Variants in DCK observed in about 807,000 individuals in gnomAD.
DCK encodes the protein deoxycytidine kinase, also known as deoxyadenosine kinase.
DCK carries 23 observed loss-of-function variants against 38.3 expected under a neutral mutation model. The ratio of observed to expected loss-of-function variants is 0.60; its 90% CI spans 0.43 to 0.85. DCK has a LOEUF of 0.85. Ranked by LOEUF, DCK falls within the 40% of genes least tolerant of loss-of-function variation. The probability of loss-of-function intolerance (pLI) is 0.00; values close to 1 mark genes in which losing one functional copy is unlikely to be tolerated. For missense variants in DCK, 259 were observed against 304.4 expected, an observed-to-expected ratio of 0.85 and a Z score of 1.11; for synonymous variants, 108 against 100.6, an observed-to-expected ratio of 1.07 and a Z score of -0.44.
Position 71,028,301 on chromosome 4 carries a change from A to G in DCK, c.757-1051A>G, listed in dbSNP as rs563857282. Among the ~76,000 whole-genome samples the G allele has an allele frequency of 2.0e-5, 3 of 152,340 alleles. No individual in the cohort carries two copies. The South Asian group carries it at 6.2e-4, about 32-fold the overall frequency. On this transcript the variant is annotated intron_variant, in intron 6 of 6. Coordinates refer to ENST00000286648, the MANE Select transcript of DCK (RefSeq NM_000788.3). Reference sequence around the variant, plus strand: ...TTACAGCTATTTTAGAACTATATCTATCTTAGATTGATAGATGCAGTGGCT... The same window carrying G: ...TTACAGCTATTTTAGAACTATATCTGTCTTAGATTGATAGATGCAGTGGCT...
intron 2 of DCK, among the ~76,000 whole-genome samples, chr4:71,001,979 G>T (rs184406815): frequency 6.6e-6 from 1 of 152,166 alleles, no homozygotes; most frequent in East Asian, 1.9e-4. Flanking sequence ...CTTCAGTTCT[G>T]CTCTGATCTT....
At chr4:71,013,622 C>T (rs375746272) in intron 2 of DCK, among the ~76,000 whole-genome samples, 68 of 152,110 alleles carry the variant, frequency 4.5e-4, no homozygotes, top group African/African-American at 1.6e-3. Context: ...CTTAAAGAAA[C>T]GAATTTGCAA....
chr4:70,998,148 G>T lies in DCK; in HGVS notation c.173G>T (p.Trp58Leu). ...WEVVPEPVARWCNVQSTQDEF... is the reference protein window; with the variant it reads ...WEVVPEPVARLCNVQSTQDEF... ...GTGGTTCCTGAACCTGTTGCCAGAT[G>T]GTGCAATGTTCAAAGTACTCAAGAT... The change falls in exon 2 of 7, where the codon TGG becomes TTG. Residue 58 changes from tryptophan (W) to leucine (L), a missense_variant. Trp to Leu is a moderately conservative substitution (Grantham distance 61). This residue lies in a region of DCK where 159 missense variants were observed against 159.0 expected (regional missense o/e 1.00). Coordinates refer to ENST00000286648, the MANE Select transcript of DCK (RefSeq NM_000788.3). 6.2e-7 allele frequency: 1 copy of T among 1,601,810 alleles called. No homozygotes were observed. The highest frequency in any genetic ancestry group is 1.3e-5 in the African/African-American group (1 of 74,700).
At chr4:71,019,943 C>T (rs1010526011) in intron 2 of DCK, among the ~76,000 whole-genome samples, 8 of 152,068 alleles carry the variant, frequency 5.3e-5, no homozygotes, top group African/African-American at 1.9e-4. Context: ...CGTGCCACCA[C>T]GCCTGGCTAA....
chr4:71,004,143 C>T (rs975319942), intron 2 of DCK, among the ~76,000 whole-genome samples: 1 of 152,046 alleles, frequency 6.6e-6, no homozygotes, highest in Non-Finnish European at 1.5e-5. Context: ...GGGGTTTTTG[C>T]GTGGTTGTCC....
chr4:71,018,251 C>T (rs150357557), intron 2 of DCK, among the ~76,000 whole-genome samples: 2 of 151,626 alleles, frequency 1.3e-5, no homozygotes, highest in Non-Finnish European at 2.9e-5. Context: ...CTCAGCCTCC[C>T]GAGTAGCTGA....
intron 2 of DCK, among the ~76,000 whole-genome samples, chr4:71,007,277 T>G (rs988085329): frequency 6.6e-6 from 1 of 152,222 alleles, no homozygotes; most frequent in Non-Finnish European, 1.5e-5. Context: ...GTTTATTTGA[T>G]TCTTTTTAAA....
intron 2 of DCK, among the ~76,000 whole-genome samples, chr4:71,000,077 T>C (rs1282643416): frequency 6.6e-6 from 1 of 152,222 alleles, no homozygotes; most frequent in Non-Finnish European, 1.5e-5. Flanking sequence ...TTTTGGTGTT[T>C]TAGTCATGAA....
In DCK at chr4:70,998,134, A is replaced by G. The variant is rs560907490; in HGVS notation, c.159A>G (p.Glu53=). The change falls in exon 2 of 7, where the codon GAA becomes GAG. Residue 53 remains glutamate, a synonymous_variant. Coordinates refer to ENST00000286648, the MANE Select transcript of DCK (RefSeq NM_000788.3). ...GTGAAGATTGGGAAGTGGTTCCTGA[A>G]CCTGTTGCCAGATGGTGCAATGTTC... ...QLCEDWEVVP[E]PVARWCNVQS... 22 of 1,608,804 alleles carry G rather than the reference A, an allele frequency of 1.4e-5. 1 individual carries two copies. In the South Asian group the frequency reaches 2.3e-4, roughly 17 times the overall value.
chr4:71,006,260 C>T (rs1035478170), intron 2 of DCK: 5 of 718,100 alleles, frequency 7.0e-6, no homozygotes, highest in Non-Finnish European at 8.5e-6. Context: ...GACTTTCACT[C>T]TGGGCAGAAG....
In DCK at chr4:71,014,826, C is replaced by T. The variant is rs993194038; in HGVS notation, c.208-7541C>T. ...GCCCACAAGATAAAGCAGGAGAGAT[C>T]TAAAATTGACACCCTAACATCACAA... On this transcript the variant is annotated intron_variant, in intron 2 of 6. Transcript: ENST00000286648. Among the ~76,000 whole-genome samples the T allele has an allele frequency of 1.3e-5, 2 of 152,130 alleles. 1 individual carries two copies. Among genetic ancestry groups the T allele is most frequent in the South Asian group, 4.1e-4 (2 of 4,822 alleles).
intron 2 of DCK, among the ~76,000 whole-genome samples, chr4:71,003,710 T>C (rs1177163541): frequency 6.6e-6 from 1 of 152,242 alleles, no homozygotes; most frequent in African/African-American, 2.4e-5. Context: ...AAGTTTTTCT[T>C]CAATCTCTGA....
chr4:71,014,785 AT>A (rs1348864397), intron 2 of DCK, among the ~76,000 whole-genome samples: 1 of 152,234 alleles, frequency 6.6e-6, no homozygotes, highest in East Asian at 1.9e-4. Flanking sequence ...GTAGAGGGAA[AT>A]TTATAGCACT....
chr4:71,012,158 C>G (rs1349158550), intron 2 of DCK, among the ~76,000 whole-genome samples: 2 of 152,164 alleles, frequency 1.3e-5, no homozygotes, highest in African/African-American at 4.8e-5. Context: ...TCCCCACCCC[C>G]CACAATATTT....
chr4:71,016,521 T>C (rs1740266272), intron 2 of DCK, among the ~76,000 whole-genome samples: 1 of 152,188 alleles, frequency 6.6e-6, no homozygotes. Flanking sequence ...TCACGCTACC[T>C]GACTTCAAAC....
In DCK at chr4:71,030,628, A is replaced by G. The variant is rs528323524; in HGVS notation, c.*1250A>G. On this transcript the variant is annotated 3_prime_UTR_variant, in exon 7 of 7. Coordinates refer to ENST00000286648, the MANE Select transcript of DCK (RefSeq NM_000788.3). ...GTATAAATTAATTTGTTAATTAAAT[A>G]TTTCTTAAGTATAAACCTTATGAAC... 3.3e-5 allele frequency: 5 copies of G among 152,212 alleles called. No individual in the cohort carries two copies. The South Asian group carries it at 8.3e-4, about 25-fold the overall frequency. 9.4% of individuals were successfully genotyped at this position (152,212 alleles called of 1,614,324 possible).
intron 2 of DCK, among the ~76,000 whole-genome samples, chr4:71,002,042 A>G (rs1739815057): frequency 6.6e-6 from 1 of 151,958 alleles, no homozygotes; most frequent in Non-Finnish European, 1.5e-5. Flanking sequence ...TTGCTTCTCT[A>G]GTTCTTTTAA....
chr4:71,026,689 G>A lies in DCK; in HGVS notation c.690G>A (p.Glu230=). 2 of 1,561,974 alleles carry A rather than the reference G, an allele frequency of 1.3e-6. No individual in the cohort carries two copies. Among genetic ancestry groups the A allele is most frequent in the African/African-American group, 1.4e-5 (1 of 73,386 alleles). The change falls in exon 6 of 7, where the codon GAG becomes GAA. Residue 230 remains glutamate, a synonymous_variant. Transcript: ENST00000286648. ...TLKTNFDYLQ[E]VPILTLDVNE... Reference sequence around the variant, plus strand: ...GAACCAACTTCGATTATCTTCAAGAGGTGCCTATCTTAACACTGGATGTTA... The same window carrying A: ...GAACCAACTTCGATTATCTTCAAGAAGTGCCTATCTTAACACTGGATGTTA...
At position 71,029,785 on chromosome 4, in the gene DCK, A is replaced by G. The variant is rs1449466832; in HGVS notation, c.*407A>G. On this transcript the variant is annotated 3_prime_UTR_variant, in exon 7 of 7. Transcript: ENST00000286648. ...TTCTTAAACTGAAAGCTTTAATGTTACATAGTAAATGGTAGTGTGTCCTGT... is the reference window on the plus strand; with the variant it reads ...TTCTTAAACTGAAAGCTTTAATGTTGCATAGTAAATGGTAGTGTGTCCTGT... 1 of 180,570 alleles carries G rather than the reference A, an allele frequency of 5.5e-6. No individual in the cohort carries two copies. Among genetic ancestry groups the G allele is most frequent in the Non-Finnish European group, 1.2e-5 (1 of 86,818 alleles). 11.2% of individuals were successfully genotyped at this position (180,570 alleles called of 1,614,324 possible).
Sources: allele counts gnomAD v4.1 joint callset (sites outside exome capture counted in the v4.1 genomes callset), GRCh38; gene constraint gnomAD v4.1.1; regional missense constraint gnomAD v4.1.1; transcripts MANE v1.5; gene names NCBI Gene and HGNC (gene_info 2026-07-23, HGNC 2026-07-21).